DISC1: variants seen among roughly 807,000 people sequenced by gnomAD.
DISC1 encodes DISC1 scaffold protein, also known as disrupted in schizophrenia 1 protein.
In DISC1, 57 loss-of-function variants were observed where a neutral mutation model predicts 84.5. The observed-to-expected ratio is 0.67, with a 90% CI of 0.55 to 0.84. The LOEUF is 0.84. Among genes scored for constraint, DISC1 ranks in the 40% least tolerant of loss-of-function variants. The pLI is 0.00. For missense variants in DISC1, 1,000 were observed against 1,057.8 expected, an observed-to-expected ratio of 0.95 and a Z score of 0.76; for synonymous variants, 411 against 415.2, an observed-to-expected ratio of 0.99 and a Z score of 0.12.
Position 231,745,592 on chromosome 1 carries a change from C to G in DISC1, c.1118-4334C>G, listed in dbSNP as rs534838753. 1.3e-4 allele frequency: 20 copies of G among 158,942 alleles called. 1 individual carries two copies. The South Asian group carries it at 1.9e-3, about 15-fold the overall frequency. 9.8% of individuals were successfully genotyped at this position (158,942 alleles called of 1,614,324 possible). A position where few individuals can be genotyped will look rare whatever the true frequency, so the allele number is the denominator to read the frequency against. ...TGACTATTTGAAACTCTAAAATATA[C>G]TATTGTGAACTATAGTCATTCTCTA... On this transcript the variant is annotated intron_variant, in intron 3 of 12. Transcript: ENST00000439617.
At chr1:231,942,465 G>A (rs992101158) in intron 9 of DISC1, among the ~76,000 whole-genome samples, 1 of 152,172 alleles carries the variant, frequency 6.6e-6, no homozygotes, top group African/African-American at 2.4e-5. Context: ...AAGAGTTTGA[G>A]ACCACCGTGG....
At chr1:231,682,075 G>A (rs1411886104) in intron 1 of DISC1, among the ~76,000 whole-genome samples, 1 of 152,166 alleles carries the variant, frequency 6.6e-6, no homozygotes, top group African/African-American at 2.4e-5. Context: ...AGAGCGGTGA[G>A]ATTTGAGAGC....
At chr1:231,634,638 T>C (rs2059036167) in intron 1 of DISC1, among the ~76,000 whole-genome samples, 1 of 152,236 alleles carries the variant, frequency 6.6e-6, no homozygotes, top group African/African-American at 2.4e-5. Context: ...TATAGAATTA[T>C]CTCCTAGAGA....
chr1:231,627,430 A>G lies in DISC1; in HGVS notation c.67+496A>G, dbSNP rs546638325. ...ACCCCTTCGGGGACCTGGAGGGAGG[A>G]GGCTGGGAGCGGGACCAGGAACTGG... On this transcript the variant is annotated intron_variant, in intron 1 of 12. Coordinates refer to ENST00000439617, the MANE Select transcript of DISC1 (RefSeq NM_018662.3). Among the ~76,000 whole-genome samples the G allele has an allele frequency of 2.6e-5, 4 of 152,184 alleles. No individual in the cohort carries two copies. In the South Asian group the frequency reaches 8.3e-4, roughly 32 times the overall value.
At chr1:231,733,708 A>C in intron 3 of DISC1, among the ~76,000 whole-genome samples, 1 of 117,922 alleles carries the variant, frequency 8.5e-6, no homozygotes, top group African/African-American at 3.4e-5. Context: ...GATGGTAGGA[A>C]TGGTAGTGGT....
intron 3 of DISC1, among the ~76,000 whole-genome samples, chr1:231,738,066 C>A (rs986242856): frequency 2.0e-5 from 3 of 150,320 alleles, no homozygotes; most frequent in Admixed American, 6.7e-5. Flanking sequence ...CCAGGCTGGT[C>A]TTGAACTCTT....
At chr1:231,773,693 G>C (rs181944886) in intron 6 of DISC1, among the ~76,000 whole-genome samples, 9 of 152,264 alleles carry the variant, frequency 5.9e-5, no homozygotes, top group Admixed American at 5.2e-4. Context: ...CAATTGGATA[G>C]GTTCTTGAAA....
chr1:231,778,736 C>G (rs1241371773), intron 6 of DISC1, among the ~76,000 whole-genome samples: 1 of 152,206 alleles, frequency 6.6e-6, no homozygotes, highest in African/African-American at 2.4e-5. Flanking sequence ...TGGCTGGGTA[C>G]AGATGCTGCT....
At chr1:231,717,792 T>C (rs979960697) in intron 3 of DISC1, among the ~76,000 whole-genome samples, 3 of 152,190 alleles carry the variant, frequency 2.0e-5, no homozygotes, top group Admixed American at 6.5e-5. Flanking sequence ...AGTGCGAGAA[T>C]TGCTTTCATT....
At chr1:231,971,402 C>T (rs1661933219) in intron 10 of DISC1, among the ~76,000 whole-genome samples, 1 of 152,206 alleles carries the variant, frequency 6.6e-6, no homozygotes, top group Non-Finnish European at 1.5e-5. Context: ...CTCAGATGCT[C>T]AGTTCTAGCA....
rs1180550039 is a variant in DISC1 at position 231,769,700 on chromosome 1, T to C, written c.1399-1135T>C. 6.6e-5 allele frequency among the ~76,000 whole-genome samples: 10 copies of C among 152,290 alleles called. No individual in the cohort carries two copies. The East Asian group carries it at 1.9e-3, about 29-fold the overall frequency. On this transcript the variant is annotated intron_variant, in intron 5 of 12. Transcript: ENST00000439617. ...TGTGGATGGATGGCAGTGATGGTTG[T>C]ACAACAGTGTGAATGTACTTAATGC...
intron 1 of DISC1, among the ~76,000 whole-genome samples, chr1:231,628,348 G>C (rs79321163): frequency 0.062 from 9,488 of 152,240 alleles, 332 homozygotes; most frequent in Middle Eastern, 0.088. Context: ...TGTACTGATC[G>C]CATTGCCTGA....
Position 231,968,241 on chromosome 1 carries a change from G to A in DISC1, c.2042+9353G>A, listed in dbSNP as rs575069643. On this transcript the variant is annotated intron_variant, in intron 10 of 12. Coordinates refer to ENST00000439617, the MANE Select transcript of DISC1 (RefSeq NM_018662.3). The stretch of plus-strand genomic sequence containing the variant: ...TCAAAAAATCTGCATGCAGTTCTTC[G>A]GAGAGAGAAAGCAGAGTTCCATCTT... 2.3e-4 allele frequency among the ~76,000 whole-genome samples: 35 copies of A among 152,132 alleles called. 1 individual carries two copies. The South Asian group carries it at 6.5e-3, about 28-fold the overall frequency.
chr1:231,699,242 T>C (rs1424593587), intron 2 of DISC1, among the ~76,000 whole-genome samples: 2 of 152,148 alleles, frequency 1.3e-5, no homozygotes, highest in Non-Finnish European at 2.9e-5. Flanking sequence ...TTGTACTCTT[T>C]CCATGTGCCC....
intron 3 of DISC1, among the ~76,000 whole-genome samples, chr1:231,715,140 A>G (rs2068510493): frequency 6.6e-6 from 1 of 152,136 alleles, no homozygotes; most frequent in African/African-American, 2.4e-5. Context: ...CAAAGGGATG[A>G]GGTACTGTAA....
In DISC1 at chr1:231,694,810, G is replaced by A; in HGVS notation, c.1047+5G>A. ...AGAAACCGGAGGCAGATGGAGGTCAGTGTCTCTTCCACCTCTGTGGCCCGA... is the reference window on the plus strand; with the variant it reads ...AGAAACCGGAGGCAGATGGAGGTCAATGTCTCTTCCACCTCTGTGGCCCGA... On this transcript the variant is annotated splice_donor_5th_base_variant and intron_variant, in intron 2 of 12. Coordinates refer to ENST00000439617, the MANE Select transcript of DISC1 (RefSeq NM_018662.3). 1 of 1,613,166 alleles carries A rather than the reference G, an allele frequency of 6.2e-7. No homozygotes were observed. The highest frequency in any genetic ancestry group is 8.5e-7 in the Non-Finnish European group (1 of 1,179,822).
intron 9 of DISC1, among the ~76,000 whole-genome samples, chr1:231,862,963 C>T (rs191723937): frequency 3.9e-5 from 6 of 152,232 alleles, no homozygotes; most frequent in Admixed American, 2.0e-4. Context: ...TGCCCACATT[C>T]ATAGCAAATA....
intron 9 of DISC1, among the ~76,000 whole-genome samples, chr1:231,844,093 G>A (rs1030319504): frequency 1.3e-5 from 2 of 152,184 alleles, no homozygotes; most frequent in African/African-American, 4.8e-5. Flanking sequence ...AGGGAGGACC[G>A]GCAGGAGTGT....
At chr1:232,006,473 C>T (rs1667455595) in intron 10 of DISC1, among the ~76,000 whole-genome samples, 2 of 152,070 alleles carry the variant, frequency 1.3e-5, no homozygotes, top group South Asian at 4.2e-4. Flanking sequence ...GCATTTTGCC[C>T]CAGCCCTAGA....
Sources: gnomAD v4.1 joint callset for allele counts (sites outside exome capture counted in the v4.1 genomes callset) on GRCh38, gnomAD v4.1.1 for gene constraint, MANE v1.5 for transcripts, NCBI Gene and HGNC (gene_info 2026-07-23, HGNC 2026-07-21) for gene names.